Variants in CNTRL observed in about 807,000 individuals in gnomAD.
CNTRL encodes the protein 110 kDa centrosomal protein.
A neutral mutation model predicts 303.7 loss-of-function variants in CNTRL; 233 were observed. The observed-to-expected ratio is 0.77, with a 90% CI of 0.69 to 0.86. CNTRL has a LOEUF of 0.86. Ranked by LOEUF, CNTRL falls within the 40% of genes least tolerant of loss-of-function variation. The pLI, the probability that CNTRL is intolerant of heterozygous loss-of-function variation, is 0.00. For synonymous variants in CNTRL, 900 were observed against 922.2 expected, an observed-to-expected ratio of 0.98 and a Z score of 0.44; for missense variants, 2,524 against 2,650.6, an observed-to-expected ratio of 0.95 and a Z score of 1.05.
chr9:121,150,998 G>T (rs188295034), intron 25 of CNTRL, among the ~76,000 whole-genome samples: 4 of 152,336 alleles, frequency 2.6e-5, no homozygotes, highest in Admixed American at 2.6e-4. Flanking sequence ...ATGTGCACGT[G>T]TATGCACACA....
intron 9 of CNTRL, among the ~76,000 whole-genome samples, 157 bp downstream of exon 9, chr9:121,112,735 T>C (rs559046772): frequency 6.6e-6 from 1 of 152,334 alleles, no homozygotes; most frequent in South Asian, 2.1e-4. Context: ...AATCTATGAC[T>C]TATTTGGCTC....
chr9:121,128,295 C>T, intron 14 of CNTRL, among the ~76,000 whole-genome samples: 1 of 152,200 alleles, frequency 6.6e-6, no homozygotes, highest in East Asian at 1.9e-4. Context: ...TCCACATCCT[C>T]TCCAGCATCT....
Position 121,123,963 on chromosome 9 carries a change from A to G in CNTRL, c.1683A>G (p.Glu561=), listed in dbSNP as rs758560325. Residue 561 remains glutamate, a synonymous_variant, in exon 13 of 44, where the codon GAA becomes GAG. Transcript: ENST00000373855. ...SHMKAQKSGK[E]QQLDIMNKQY... is the part of the protein sequence containing the mutation. ...TGAAGGCTCAAAAGAGCGGTAAAGA[A>G]CAACAGCTTGACATTATGAACAAGC... is the stretch of plus-strand genomic sequence containing the variant. 1.2e-6 allele frequency: 2 copies of G among 1,609,714 alleles called. No individual in the cohort carries two copies. The highest frequency in any genetic ancestry group is 2.2e-5 in the South Asian group (2 of 89,858).
intron 16 of CNTRL, among the ~76,000 whole-genome samples, chr9:121,140,231 G>T (rs759765131): frequency 6.6e-5 from 10 of 152,152 alleles, no homozygotes; most frequent in Non-Finnish European, 1.5e-4. Flanking sequence ...ATTTATATAG[G>T]CTTGCTGTAC....
chr9:121,078,780 T>G (rs766109021), intron 1 of CNTRL, among the ~76,000 whole-genome samples: 2 of 152,170 alleles, frequency 1.3e-5, no homozygotes, highest in Non-Finnish European at 2.9e-5. Flanking sequence ...TTACTTACAT[T>G]TACTGGTTTA....
In CNTRL at chr9:121,166,070, A is replaced by G. The variant is rs914339853; in HGVS notation, c.5582-37A>G. The G allele has an allele frequency of 2.0e-6, 3 of 1,484,814 alleles. No individual in the cohort carries two copies. The African/African-American group carries it at 4.2e-5, about 21-fold the overall frequency. The allele number at this position is 1,484,814 out of a possible 1,614,324, so 92.0% of individuals were successfully genotyped here. ...ATGGGAATCTGTACAGTAAATACGT[A>G]TGTATTTCTTATTTCATGAGAATGT... On this transcript the variant is annotated intron_variant, in intron 35 of 43. Transcript: ENST00000373855.
In CNTRL at chr9:121,170,292, C is replaced by T. The variant is rs1260864908; in HGVS notation, c.6276+476C>T. Among the ~76,000 whole-genome samples the T allele has an allele frequency of 6.6e-5, 10 of 151,696 alleles. No homozygotes were observed. In the South Asian group the frequency reaches 8.3e-4, roughly 13 times the overall value. On this transcript the variant is annotated intron_variant, in intron 39 of 43. Coordinates refer to ENST00000373855, the MANE Select transcript of CNTRL (RefSeq NM_007018.6). ...CTGAGTAGCTGGGACTACAGGTGTG[C>T]GCCACCACGCCCGACTAATTTTTGT...
Position 121,151,094 on chromosome 9 carries a change from G to A in CNTRL, c.3963+611G>A, listed in dbSNP as rs546375536. Among the ~76,000 whole-genome samples the A allele has an allele frequency of 1.9e-4, 29 of 152,004 alleles. 1 individual carries two copies. The highest frequency in any genetic ancestry group is 5.5e-4 in the African/African-American group (23 of 41,470). The stretch of plus-strand genomic sequence containing the variant: ...TATTTATTTTCATAGTTTATATTTC[G>A]GTGGGGATAAGGTTTTGGGGATTAT... On this transcript the variant is annotated intron_variant, in intron 25 of 43. Transcript: ENST00000373855.
chr9:121,088,792 G>A (rs2048445077), intron 3 of CNTRL, among the ~76,000 whole-genome samples: 1 of 152,226 alleles, frequency 6.6e-6, no homozygotes, highest in Non-Finnish European at 1.5e-5. Flanking sequence ...GTAGGAGAGT[G>A]TCTTAAAACT....
intron 4 of CNTRL, among the ~76,000 whole-genome samples, chr9:121,092,631 T>TATAG (rs1371101168): frequency 5.3e-5 from 1 of 18,750 alleles, no homozygotes; most frequent in African/African-American, 1.7e-4. Flanking sequence ...TATATATCTA[T>TATAG]ATATATAATA....
At chr9:121,145,519 A>G in intron 22 of CNTRL, 134 bp downstream of exon 22, 1 of 845,530 alleles carries the variant, frequency 1.2e-6, no homozygotes, top group South Asian at 2.1e-5. Context: ...TTAGCTTAAT[A>G]AGTAAAATAA....
intron 9 of CNTRL, 73 bp from the exon 10 acceptor site, chr9:121,113,429 A>G (rs2049840247): frequency 1.8e-5 from 14 of 760,864 alleles, no homozygotes; most frequent in Non-Finnish European, 2.7e-5. Flanking sequence ...GTTTGCCACT[A>G]ATAAAATGAA....
At chr9:121,109,480 A>G (rs1363783640) in intron 8 of CNTRL, among the ~76,000 whole-genome samples, 1 of 152,088 alleles carries the variant, frequency 6.6e-6, no homozygotes, top group Non-Finnish European at 1.5e-5. Context: ...TGTTCCATTA[A>G]ATGTATTCTT....
intron 25 of CNTRL, chr9:121,150,699 CAA>C (rs1407942600): frequency 3.3e-5 from 17 of 521,932 alleles, no homozygotes; most frequent in African/African-American, 9.7e-5. Context: ...GAGACTGAGA[CAA>C]GAGGATTGCT....
intron 6 of CNTRL, among the ~76,000 whole-genome samples, chr9:121,097,109 T>A (rs1218667500): frequency 1.3e-5 from 2 of 152,200 alleles, no homozygotes; most frequent in Admixed American, 6.5e-5. Flanking sequence ...TTGGATGATG[T>A]TGTATATTTT....
intron 41 of CNTRL, 76 bp downstream of exon 41, chr9:121,173,585 G>A: frequency 6.2e-7 from 1 of 1,610,462 alleles, no homozygotes; most frequent in Non-Finnish European, 8.5e-7. Context: ...CACAGATGTG[G>A]GGGTGCTGGG....
chr9:121,101,340 C>T (rs567035907), intron 7 of CNTRL, among the ~76,000 whole-genome samples: 172 of 152,286 alleles, frequency 1.1e-3, no homozygotes, highest in South Asian at 2.5e-3. Flanking sequence ...TAAAGATGTT[C>T]TTTGAAACCA....
intron 2 of CNTRL, among the ~76,000 whole-genome samples, chr9:121,087,672 CAA>C (rs2048399972): frequency 6.6e-6 from 1 of 152,132 alleles, no homozygotes; most frequent in East Asian, 1.9e-4. Flanking sequence ...GCCTGGGCGA[CAA>C]GAGTGAGATT....
At chr9:121,076,718 G>A (rs544425575) in intron 1 of CNTRL, among the ~76,000 whole-genome samples, 47 of 152,128 alleles carry the variant, frequency 3.1e-4, no homozygotes, top group Non-Finnish European at 5.9e-4. Flanking sequence ...GGCAGAGGTG[G>A]GTGGGCAGCA....
Sources: allele counts gnomAD v4.1 joint callset (sites outside exome capture counted in the v4.1 genomes callset), GRCh38; gene constraint gnomAD v4.1.1; transcripts MANE v1.5; gene names NCBI Gene and HGNC (gene_info 2026-07-23, HGNC 2026-07-21).